The following UNC5C variants were observed in gnomAD, a reference collection of about 807,000 sequenced individuals.
The protein encoded by UNC5C is netrin receptor UNC5C.
In UNC5C, 47 loss-of-function variants were observed where a neutral mutation model predicts 99.8. The ratio of observed to expected loss-of-function variants is 0.47; its 90% CI spans 0.37 to 0.60. The LOEUF is 0.60. Among genes scored for constraint, UNC5C ranks in the 20% least tolerant of loss-of-function variants. The pLI, the probability that UNC5C is intolerant of heterozygous loss-of-function variation, is 0.00. For missense variants in UNC5C, 1,062 were observed against 1,165.9 expected (o/e 0.91, Z 1.30); for synonymous variants, 487 against 452.2 (o/e 1.08, Z -0.98).
intron 1 of UNC5C, among the ~76,000 whole-genome samples, chr4:95,344,129 C>G (rs1467525406): frequency 6.6e-6 from 1 of 151,882 alleles, no homozygotes; most frequent in Non-Finnish European, 1.5e-5. Context: ...CCAAATAAGA[C>G]TACTTCAAGA....
chr4:95,425,654 G>A (rs546653774), intron 1 of UNC5C, among the ~76,000 whole-genome samples: 6 of 152,226 alleles, frequency 3.9e-5, no homozygotes, highest in African/African-American at 1.4e-4. Context: ...TGACTCACTT[G>A]TTTTTTTATA....
intron 12 of UNC5C, among the ~76,000 whole-genome samples, chr4:95,191,552 C>T (rs1373888289): frequency 2.0e-5 from 3 of 151,430 alleles, no homozygotes; most frequent in Admixed American, 2.0e-4. Context: ...CCCCACCAAC[C>T]CCACTTTGTG....
intron 4 of UNC5C, among the ~76,000 whole-genome samples, chr4:95,261,629 T>A (rs771332554): frequency 2.0e-5 from 3 of 152,054 alleles, no homozygotes; most frequent in Non-Finnish European, 4.4e-5. Flanking sequence ...TCCAGCACTA[T>A]GCAAAAATTT....
At chr4:95,527,519 T>C (rs1560494943) in intron 1 of UNC5C, among the ~76,000 whole-genome samples, 1 of 152,098 alleles carries the variant, frequency 6.6e-6, no homozygotes, top group African/African-American at 2.4e-5. Flanking sequence ...AGCCTCCGTC[T>C]TTCCTCATGG....
At chr4:95,290,983 C>G (rs17023469) in intron 3 of UNC5C, among the ~76,000 whole-genome samples, 14,234 of 152,106 alleles carry the variant, frequency 0.094, 972 homozygotes, top group East Asian at 0.33. Flanking sequence ...GAGAGAAATT[C>G]CAGGGAACAA....
intron 2 of UNC5C, among the ~76,000 whole-genome samples, chr4:95,318,630 TCATTGTC>T (rs1275623647): frequency 6.6e-6 from 1 of 152,160 alleles, no homozygotes; most frequent in African/African-American, 2.4e-5. Context: ...ACAGAGGGCA[TCATTGTC>T]CAGGGTCATC....
At chr4:95,283,346 T>A (rs1196196467) in intron 3 of UNC5C, among the ~76,000 whole-genome samples, 1 of 152,206 alleles carries the variant, frequency 6.6e-6, no homozygotes, top group African/African-American at 2.4e-5. Flanking sequence ...AAATTTTATC[T>A]AATTTCTAGA....
chr4:95,206,709 G>A lies in UNC5C; in HGVS notation c.1821C>T (p.Leu607=), dbSNP rs2149362361. ...PGALLTRPVV[L]TMHHCADPNT... The stretch of plus-strand genomic sequence containing the variant: ...TGGGGTCTGCGCAGTGATGCATAGT[G>A]AGGACGACTGGGCGGGTGAGCAGAG... The change falls in exon 11 of 16, where the codon CTC becomes CTT. Residue 607 remains leucine, a synonymous_variant. Coordinates refer to ENST00000453304, the MANE Select transcript of UNC5C (RefSeq NM_003728.4). 6.2e-7 allele frequency: 1 copy of A among 1,614,082 alleles called. No individual in the cohort carries two copies. Among genetic ancestry groups the A allele is most frequent in the Non-Finnish European group, 8.5e-7 (1 of 1,180,014 alleles).
chr4:95,530,300 T>C (rs1722608654), intron 1 of UNC5C, among the ~76,000 whole-genome samples: 1 of 152,206 alleles, frequency 6.6e-6, no homozygotes, highest in African/African-American at 2.4e-5. Context: ...GGAAAATAAG[T>C]ATTTCCAAAA....
chr4:95,269,709 CA>C (rs1180086898), intron 4 of UNC5C, among the ~76,000 whole-genome samples: 1 of 150,452 alleles, frequency 6.6e-6, no homozygotes, highest in African/African-American at 2.5e-5. Context: ...AAGGCCTTGA[CA>C]ATTTTTTTTT....
chr4:95,481,855 A>C (rs1171253192), intron 1 of UNC5C, among the ~76,000 whole-genome samples: 2 of 152,064 alleles, frequency 1.3e-5, no homozygotes, highest in African/African-American at 2.4e-5. Context: ...TACAAAAATT[A>C]ATTCAAGATG....
intron 2 of UNC5C, among the ~76,000 whole-genome samples, chr4:95,320,621 T>C (rs1013869215): frequency 3.9e-5 from 6 of 152,180 alleles, no homozygotes; most frequent in African/African-American, 1.2e-4. Flanking sequence ...AAAATTGCTA[T>C]AGCAACACAA....
chr4:95,394,411 C>T (rs924484785), intron 1 of UNC5C, among the ~76,000 whole-genome samples: 3 of 152,134 alleles, frequency 2.0e-5, no homozygotes, highest in Non-Finnish European at 2.9e-5. Flanking sequence ...GAACAGGGAT[C>T]GACTTTTACC....
At chr4:95,266,402 G>T (rs1740449038) in intron 4 of UNC5C, among the ~76,000 whole-genome samples, 1 of 152,140 alleles carries the variant, frequency 6.6e-6, no homozygotes, top group African/African-American at 2.4e-5. Flanking sequence ...ATACTAACAT[G>T]ATTTTATTAA....
intron 15 of UNC5C, 52 bp downstream of exon 15, chr4:95,170,102 C>A: frequency 6.3e-7 from 1 of 1,592,912 alleles, no homozygotes; most frequent in South Asian, 1.1e-5. Flanking sequence ...AGTTATCGGT[C>A]CTGGAGGGCA....
chr4:95,260,152 C>T (rs930282490), intron 4 of UNC5C, among the ~76,000 whole-genome samples: 2 of 152,128 alleles, frequency 1.3e-5, no homozygotes, highest in Non-Finnish European at 2.9e-5. Context: ...TCATGGGACT[C>T]AAAATTCTGT....
chr4:95,548,801 C>T lies in UNC5C; in HGVS notation c.57G>A (p.Leu19=), dbSNP rs753098073. Residue 19 remains leucine (L), a synonymous_variant, in exon 1 of 16, where the codon TTG becomes TTA. Transcript: ENST00000453304. The stretch of plus-strand genomic sequence containing the variant: ...GGGCAGGTAGCACGAGCATTTGCAG[C>T]AAGTATCCCAGTCCCAGTCCGCAGC... ...AARCGLGLGY[L]LQMLVLPALA... The T allele has an allele frequency of 2.5e-6, 4 of 1,613,506 alleles. No individual in the cohort carries two copies. The highest frequency in any genetic ancestry group is 2.2e-5 in the South Asian group (2 of 91,070).
chr4:95,175,286 A>G (rs956753025), intron 14 of UNC5C, among the ~76,000 whole-genome samples: 1 of 151,940 alleles, frequency 6.6e-6, no homozygotes, highest in African/African-American at 2.4e-5. Flanking sequence ...GCCTGTCATT[A>G]TGATGTTAGC....
In UNC5C at chr4:95,426,140, T is replaced by C. The variant is rs144881871; in HGVS notation, c.125-90509A>G. Among the ~76,000 whole-genome samples, 63 of 152,366 alleles carry C rather than the reference T, an allele frequency of 4.1e-4. 1 individual carries two copies. In the East Asian group the frequency reaches 0.011, roughly 27 times the overall value. ...TATCTGTGCCATTTTTCCAATAGCA[T>C]GTGCTCACTTCATATCTCTATGTCA... On this transcript the variant is annotated intron_variant, in intron 1 of 15. Coordinates refer to ENST00000453304, the MANE Select transcript of UNC5C (RefSeq NM_003728.4).
Sources: allele counts gnomAD v4.1 joint callset (sites outside exome capture counted in the v4.1 genomes callset), GRCh38; gene constraint gnomAD v4.1.1; transcripts MANE v1.5; gene names NCBI Gene and HGNC (gene_info 2026-07-23, HGNC 2026-07-21).